The following SPRED1 variants were observed in gnomAD, a reference collection of about 807,000 sequenced individuals.
SPRED1 encodes sprouty related EVH1 domain containing 1, also known as sprouty-related, EVH1 domain-containing protein 1.
Under a neutral mutation model 52.3 loss-of-function variants are expected in SPRED1, and 18 were observed. The ratio of observed to expected loss-of-function variants is 0.34; its 90% CI spans 0.24 to 0.51. SPRED1 has a LOEUF of 0.51. Ranked by LOEUF, SPRED1 falls within the 20% of genes least tolerant of loss-of-function variation. The probability of loss-of-function intolerance (pLI) is 0.97; values close to 1 mark genes in which losing one functional copy is unlikely to be tolerated. For missense variants in SPRED1, 485 were observed against 551.0 expected (o/e 0.88, Z 1.20); for synonymous variants, 155 against 179.7 (o/e 0.86, Z 1.10).
intron 2 of SPRED1, among the ~76,000 whole-genome samples, chr15:38,317,322 T>G (rs1416586787): frequency 2.6e-5 from 4 of 151,998 alleles, no homozygotes; most frequent in Admixed American, 2.6e-4. Context: ...TGTCTTGTCT[T>G]ACAAAGAAGA....
At chr15:38,297,077 G>C (rs1369264411) in intron 1 of SPRED1, among the ~76,000 whole-genome samples, 1 of 152,100 alleles carries the variant, frequency 6.6e-6, no homozygotes, top group African/African-American at 2.4e-5. Flanking sequence ...CTGGTGCCTT[G>C]ATCTTGGTTT....
chr15:38,278,550 C>CT (rs1894610698), intron 1 of SPRED1, among the ~76,000 whole-genome samples: 1 of 152,170 alleles, frequency 6.6e-6, no homozygotes, highest in Admixed American at 6.5e-5. Context: ...CAGATTAACA[C>CT]TTACTGTTAT....
intron 4 of SPRED1, among the ~76,000 whole-genome samples, chr15:38,330,307 T>C (rs373156352): frequency 2.6e-5 from 4 of 152,294 alleles, no homozygotes. Flanking sequence ...CAGATCACTG[T>C]GTTCAGGTTG....
In SPRED1 at chr15:38,272,276, G is replaced by GTTTTTT. The variant is rs1555387949; in HGVS notation, c.32+19064_32+19069dup. Among the ~76,000 whole-genome samples, 11 of 131,418 alleles carry GTTTTTT rather than the reference G, an allele frequency of 8.4e-5. 2 individuals are homozygous for GTTTTTT. The highest frequency in any genetic ancestry group is 8.2e-5 in the Admixed American group (1 of 12,126). The allele number at this position is 131,418 out of a possible 152,430, so 86.2% of individuals were successfully genotyped here. On this transcript the variant is annotated intron_variant, in intron 1 of 6. Coordinates refer to ENST00000299084, the MANE Select transcript of SPRED1 (RefSeq NM_152594.3). ...TGAGATTGTAGGGGTCGAATGCTAGGTTTTTTTTTTGAGATGAAGTCTTGC... is the reference window on the plus strand; with the variant it reads ...TGAGATTGTAGGGGTCGAATGCTAGGTTTTTTTTTTTTTTTTGAGATGAAGTCTTGC...
intron 4 of SPRED1, among the ~76,000 whole-genome samples, chr15:38,337,252 G>T (rs1895941769): frequency 6.6e-6 from 1 of 152,148 alleles, no homozygotes; most frequent in African/African-American, 2.4e-5. Flanking sequence ...CATTTAACTT[G>T]CTGAAAGAGT....
intron 5 of SPRED1, 101 bp downstream of exon 5, chr15:38,339,996 C>A: frequency 1.4e-6 from 2 of 1,449,142 alleles, no homozygotes; most frequent in South Asian, 1.2e-5. Context: ...TTACCAGACA[C>A]AGTAAACAAA....
chr15:38,316,748 GTTTTTTTTTTTT>G (rs1555390721), intron 2 of SPRED1, among the ~76,000 whole-genome samples: 2 of 41,908 alleles, frequency 4.8e-5, no homozygotes, highest in African/African-American at 1.9e-4. Context: ...TCCATTATAT[GTTTTTTTTTTTT>G]TTTTTTTTTT....
intron 1 of SPRED1, among the ~76,000 whole-genome samples, chr15:38,275,450 T>C (rs1056856188): frequency 6.6e-6 from 1 of 152,176 alleles, no homozygotes; most frequent in Non-Finnish European, 1.5e-5. Flanking sequence ...GAAACTACTC[T>C]ATGGGTGCTA....
intron 1 of SPRED1, among the ~76,000 whole-genome samples, chr15:38,289,508 T>C (rs1446770697): frequency 1.3e-5 from 2 of 152,046 alleles, no homozygotes; most frequent in Admixed American, 6.6e-5. Context: ...CCTGTGAGTA[T>C]GTTAGGATTT....
chr15:38,286,396 C>A (rs1894811342), intron 1 of SPRED1, among the ~76,000 whole-genome samples: 1 of 151,998 alleles, frequency 6.6e-6, no homozygotes, highest in African/African-American at 2.4e-5. Context: ...TCTATCTAAC[C>A]ACTATATTGC....
intron 5 of SPRED1, among the ~76,000 whole-genome samples, chr15:38,345,590 A>G (rs1293326693): frequency 1.3e-5 from 2 of 152,182 alleles, no homozygotes; most frequent in African/African-American, 4.8e-5. Context: ...TCACAGTACA[A>G]TAGTAGCATG....
intron 4 of SPRED1, among the ~76,000 whole-genome samples, chr15:38,332,627 A>G (rs1367042156): frequency 6.6e-6 from 1 of 152,056 alleles, no homozygotes; most frequent in East Asian, 1.9e-4. Flanking sequence ...CTCTCTATAC[A>G]CTTTTTTTCT....
Position 38,351,529 on chromosome 15 carries a change from C to G in SPRED1, c.1200C>G (p.Phe400Leu). ...CGTGTGACACTAGCGACGACAAGTT[C>G]TGCTTGCGATGGTTAGCCCTGGTAG... ...PCSCDTSDDK[F>L]CLRWLALVAL... Residue 400 changes from phenylalanine to leucine, a missense_variant, in exon 7 of 7, where the codon TTC becomes TTG. Coordinates refer to ENST00000299084, the MANE Select transcript of SPRED1 (RefSeq NM_152594.3). The G allele has an allele frequency of 1.9e-6, 3 of 1,614,116 alleles. No homozygotes were observed. The highest frequency in any genetic ancestry group is 2.5e-6 in the Non-Finnish European group (3 of 1,180,012).
chr15:38,344,927 C>T (rs1896101332), intron 5 of SPRED1, among the ~76,000 whole-genome samples: 1 of 152,208 alleles, frequency 6.6e-6, no homozygotes. Context: ...CTCAATTTAA[C>T]AGGAATTAGA....
chr15:38,306,667 A>G (rs1390077236), intron 2 of SPRED1, among the ~76,000 whole-genome samples: 2 of 152,176 alleles, frequency 1.3e-5, no homozygotes, highest in African/African-American at 2.4e-5. Context: ...AAGTCTGCCT[A>G]TTAGCATTTC....
rs999139660 is a variant in SPRED1 at position 38,354,465 on chromosome 15, G to A, written c.*2801G>A. ...AAATATTTCTCTTGGCTTCAAAAGG[G>A]ACATCATTTGATTTCTGAAGAAGTA... On this transcript the variant is annotated 3_prime_UTR_variant, in exon 7 of 7. Coordinates refer to ENST00000299084, the MANE Select transcript of SPRED1 (RefSeq NM_152594.3). 1.4e-4 allele frequency: 21 copies of A among 152,154 alleles called. No homozygotes were observed. Among genetic ancestry groups the A allele is most frequent in the African/African-American group, 4.8e-4 (20 of 41,424 alleles). The allele number at this position is 152,154 out of a possible 1,614,324, so 9.4% of individuals were successfully genotyped here.
chr15:38,282,527 A>G (rs1894713579), intron 1 of SPRED1, among the ~76,000 whole-genome samples: 1 of 151,654 alleles, frequency 6.6e-6, no homozygotes. Context: ...AAAAATTCTT[A>G]TTTCATTCCT....
chr15:38,257,391 T>C (rs1268329211), intron 1 of SPRED1, among the ~76,000 whole-genome samples: 1 of 152,134 alleles, frequency 6.6e-6, no homozygotes, highest in Non-Finnish European at 1.5e-5. Context: ...TTGAGATCAT[T>C]AGCTGTATTA....
At chr15:38,326,253 T>A (rs983525216) in intron 4 of SPRED1, 1 of 152,038 alleles carries the variant, frequency 6.6e-6, no homozygotes, top group Non-Finnish European at 1.5e-5. Flanking sequence ...ATGTACTGAG[T>A]GGTTAAGCTA....
Sources: allele counts gnomAD v4.1 joint callset (sites outside exome capture counted in the v4.1 genomes callset), GRCh38; gene constraint gnomAD v4.1.1; transcripts MANE v1.5; gene names NCBI Gene and HGNC (gene_info 2026-07-23, HGNC 2026-07-21).